Variants in ITGAL observed in about 807,000 individuals in gnomAD.
ITGAL encodes integrin subunit alpha L.
Under a neutral mutation model 138.4 loss-of-function variants are expected in ITGAL, and 68 were observed. The observed-to-expected ratio is 0.49, with a 90% CI of 0.40 to 0.60. The LOEUF (loss-of-function observed/expected upper bound fraction) is 0.60. Ranked by LOEUF, ITGAL falls within the 20% of genes least tolerant of loss-of-function variation. The pLI, the probability that ITGAL is intolerant of heterozygous loss-of-function variation, is 0.00. For missense variants in ITGAL, 1,256 were observed against 1,478.6 expected, an observed-to-expected ratio of 0.85 and a Z score of 2.47; for synonymous variants, 561 against 584.3, an observed-to-expected ratio of 0.96 and a Z score of 0.57.
chr16:30,494,158 G>A lies in ITGAL; in HGVS notation c.1214-54G>A. On this transcript the variant is annotated intron_variant, in intron 11 of 30. Transcript: ENST00000356798. This position sits in a 1 kb window ranked among gnomAD's most constrained non-coding sequence, Gnocchi z 4.2. ...GGGGCCCCTGCCCCTCTCCTGCTGG[G>A]TGTTCTTCCAGCATCCTGTGTTCCT... 6.7e-7 allele frequency: 1 copy of A among 1,485,834 alleles called. No homozygotes were observed. Among genetic ancestry groups the A allele is most frequent in the Non-Finnish European group, 9.1e-7 (1 of 1,093,708 alleles). 92.0% of individuals were successfully genotyped at this position (1,485,834 alleles called of 1,614,324 possible). A position where few individuals can be genotyped will look rare whatever the true frequency, so the allele number is the denominator to read the frequency against.
At position 30,494,590 on chromosome 16, in the gene ITGAL, G is replaced by A. The variant is rs1444038736; in HGVS notation, c.1366-123G>A. 10 of 1,272,916 alleles carry A rather than the reference G, an allele frequency of 7.9e-6. No homozygotes were observed. Among genetic ancestry groups the A allele is most frequent in the Non-Finnish European group, 9.6e-6 (9 of 937,308 alleles). 78.9% of individuals were successfully genotyped at this position (1,272,916 alleles called of 1,614,324 possible). On this transcript the variant is annotated intron_variant, in intron 12 of 30. Coordinates refer to ENST00000356798, the MANE Select transcript of ITGAL (RefSeq NM_002209.3). The surrounding 1 kb of genome is among the most constrained non-coding windows in gnomAD (Gnocchi z 4.2). Reference sequence around the variant, plus strand: ...TTGTCTTAACGCACATAGACTAGGGGTGGATCCAAGATTGGAACCTGCATT... The same window carrying A: ...TTGTCTTAACGCACATAGACTAGGGATGGATCCAAGATTGGAACCTGCATT...
intron 6 of ITGAL, chr16:30,481,182 A>ACACACACACACC: frequency 2.8e-6 from 1 of 353,736 alleles, no homozygotes; most frequent in African/African-American, 2.7e-5. Context: ...ACACACACAC[A>ACACACACACACC]CCACACACAC....
intron 9 of ITGAL, among the ~76,000 whole-genome samples, chr16:30,486,837 C>G (rs890527964): frequency 7.2e-5 from 11 of 152,084 alleles, no homozygotes; most frequent in Non-Finnish European, 1.5e-4. Context: ...ACTCTGTTGC[C>G]CAGACTGGAG....
chr16:30,473,776 AT>A (rs2151139459), intron 1 of ITGAL, among the ~76,000 whole-genome samples: 1 of 152,098 alleles, frequency 6.6e-6, no homozygotes, highest in African/African-American at 2.4e-5. Flanking sequence ...GGGAGCTACA[AT>A]CTGAGACTGT....
In ITGAL at chr16:30,521,468, C is replaced by T. The variant is rs770516528; in HGVS notation, c.3340-24C>T. 6.4e-5 allele frequency: 103 copies of T among 1,598,458 alleles called. No homozygotes were observed. The Middle Eastern group carries it at 2.0e-3, about 31-fold the overall frequency. ...CAAAGTGCTCAGTGAATTCTTTGCT[C>T]GTTCAAATTTTGTCTTTGTACAGGT... is the stretch of plus-strand genomic sequence containing the variant. On this transcript the variant is annotated intron_variant, in intron 30 of 30. Transcript: ENST00000356798.
At chr16:30,517,111 G>A (rs373211449) in intron 26 of ITGAL, 25 bp downstream of exon 26, 10 of 1,472,126 alleles carry the variant, frequency 6.8e-6, no homozygotes, top group Non-Finnish European at 9.4e-6. Context: ...TAGAGGGAGG[G>A]TCTACCCTCC....
At chr16:30,493,245 C>CATTTTATTTT (rs58908720) in intron 11 of ITGAL, among the ~76,000 whole-genome samples, 12,854 of 139,714 alleles carry the variant, frequency 0.092, 812 homozygotes, top group African/African-American at 0.17. Flanking sequence ...TAATATATAC[C>CATTTTATTTT]ATTTTATTTT....
At chr16:30,501,460 C>A (rs969059667) in intron 17 of ITGAL, among the ~76,000 whole-genome samples, 3 of 151,406 alleles carry the variant, frequency 2.0e-5, no homozygotes, top group Non-Finnish European at 4.4e-5. Context: ...GCCTGTAATT[C>A]CAGCTACTTG....
Position 30,499,369 on chromosome 16 carries a change from G to A in ITGAL, c.2025G>A (p.Leu675=), listed in dbSNP as rs1472923065. 8 of 1,614,078 alleles carry A rather than the reference G, an allele frequency of 5.0e-6. No homozygotes were observed. The highest frequency in any genetic ancestry group is 5.1e-6 in the Non-Finnish European group (6 of 1,180,028). The stretch of plus-strand genomic sequence containing the variant: ...TGGTTGCCAATCTCACTTACACTCT[G>A]CAGCTGGATGGCCACCGGACCAGAA... ...GRLVANLTYT[L]QLDGHRTRRR... The change falls in exon 17 of 31, where the codon CTG becomes CTA. Residue 675 remains leucine (L), a synonymous_variant. Coordinates refer to ENST00000356798, the MANE Select transcript of ITGAL (RefSeq NM_002209.3).
Position 30,479,205 on chromosome 16 carries a change from C to T in ITGAL, c.442C>T (p.Gln148Ter). 1.2e-6 allele frequency: 2 copies of T among 1,613,996 alleles called. No homozygotes were observed. Among genetic ancestry groups the T allele is most frequent in the Non-Finnish European group, 1.7e-6 (2 of 1,179,962 alleles). ...CATGCTGCAGGGGCGCCCTGGTTTT[C>T]AGGGTAAGGAACTGGGGACTCATTG... The part of the protein sequence containing the change: ...GPMLQGRPGF[Q>*]ECIKGNVDLV... The change falls in exon 5 of 31, where the codon CAG becomes TAG. Residue 148 changes from glutamine to a stop codon, truncating the protein, a stop_gained. Transcript: ENST00000356798. LOFTEE classifies it high-confidence loss of function.
rs1283535083 is a variant in ITGAL at position 30,479,099 on chromosome 16, C to T, written c.336C>T (p.Asp112=). 1 of 1,613,732 alleles carries T rather than the reference C, an allele frequency of 6.2e-7. No homozygotes were observed. Among genetic ancestry groups the T allele is most frequent in the South Asian group, 1.1e-5 (1 of 91,062 alleles). Residue 112 remains aspartate, a synonymous_variant, in exon 5 of 31, where the codon GAC becomes GAT. Transcript: ENST00000356798. ...GCCTTTGCTTTCTTTAGGCCTGTGA[C>T]CCTGGGCTGTCTCGAACGTGTGACC... ...DPTDGSILAC[D]PGLSRTCDQN...
At chr16:30,474,171 A>G (rs757896324) in intron 1 of ITGAL, 25 bp from the exon 2 acceptor site, 11 of 1,547,112 alleles carry the variant, frequency 7.1e-6, no homozygotes, top group Admixed American at 1.9e-5. Context: ...CCTCGGTCGC[A>G]GCTGACGACC....
Position 30,507,480 on chromosome 16 carries a change from C to CA in ITGAL, c.2508+634dup, listed in dbSNP as rs112556507. ...CTCAAAAAAAAAACAAAAAAAAAAA[C>CA]AAAAAAAAAACCCACAAAAATTATC... On this transcript the variant is annotated intron_variant, in intron 21 of 30. Coordinates refer to ENST00000356798, the MANE Select transcript of ITGAL (RefSeq NM_002209.3). Among the ~76,000 whole-genome samples, 894 of 134,082 alleles carry CA rather than the reference C, an allele frequency of 6.7e-3. 4 individuals carry two copies. Among genetic ancestry groups the CA allele is most frequent in the African/African-American group, 0.011 (405 of 36,396 alleles). 88.0% of individuals were successfully genotyped at this position (134,082 alleles called of 152,430 possible). A position where few individuals can be genotyped will look rare whatever the true frequency, so the allele number is the denominator to read the frequency against.
Position 30,511,119 on chromosome 16 carries a change from C to T in ITGAL, c.2769C>T (p.Ile923=). 1 of 1,613,328 alleles carries T rather than the reference C, an allele frequency of 6.2e-7. No homozygotes were observed. Residue 923 remains isoleucine (I), a synonymous_variant, in exon 24 of 31, where the codon ATC becomes ATT. Coordinates refer to ENST00000356798, the MANE Select transcript of ITGAL (RefSeq NM_002209.3). ...CCATCATCCCCATCCTGTACCCCAT[C>T]AACATCCTCATCCAGGAGTAAGTTC... ...ATTIIPILYP[I]NILIQDQEDS... is the part of the protein sequence containing the mutation.
chr16:30,513,915 C>T, intron 25 of ITGAL, 69 bp downstream of exon 25: 1 of 1,187,760 alleles, frequency 8.4e-7, no homozygotes, highest in Non-Finnish European at 1.3e-6. Flanking sequence ...ACTGAGGATG[C>T]AGGCACCAAG....
Position 30,494,249 on chromosome 16 carries a change from T to C in ITGAL, c.1251T>C (p.Thr417=), listed in dbSNP as rs142661614. Residue 417 remains threonine, a synonymous_variant, in exon 12 of 31, where the codon ACT becomes ACC. Transcript: ENST00000356798. The surrounding 1 kb of genome is among the most constrained non-coding windows in gnomAD (Gnocchi z 4.2). The stretch of plus-strand genomic sequence containing the variant: ...CCTGGCTGCCCTCCCGGCAAAAGAC[T>C]TCGTTGCTGGCCTCGGGAGCCCCTC... ...TVTWLPSRQK[T]SLLASGAPRY... is the part of the protein sequence containing the mutation. The C allele has an allele frequency of 6.2e-7, 1 of 1,612,576 alleles. No homozygotes were observed. The highest frequency in any genetic ancestry group is 1.3e-5 in the African/African-American group (1 of 75,042).
intron 11 of ITGAL, among the ~76,000 whole-genome samples, chr16:30,490,796 C>T (rs1391520463): frequency 6.6e-6 from 1 of 151,922 alleles, no homozygotes; most frequent in Non-Finnish European, 1.5e-5. Context: ...GGTGAAACCC[C>T]GTCTCTACTA....
intron 17 of ITGAL, among the ~76,000 whole-genome samples, chr16:30,503,559 G>A (rs963461482): frequency 2.9e-5 from 4 of 137,568 alleles, no homozygotes; most frequent in Admixed American, 7.2e-5. Flanking sequence ...GGGAGGGAGG[G>A]AGGCAGGCAA....
intron 7 of ITGAL, 75 bp downstream of exon 7, chr16:30,481,659 C>G (rs2050562158): frequency 5.7e-6 from 8 of 1,400,360 alleles, no homozygotes. Context: ...AGCTGCAGGG[C>G]ATGGGAACTC....
Sources: allele counts gnomAD v4.1 joint callset (sites outside exome capture counted in the v4.1 genomes callset), GRCh38; gene constraint gnomAD v4.1.1; non-coding constraint Gnocchi (gnomAD v3.1); transcripts MANE v1.5; gene names NCBI Gene and HGNC (gene_info 2026-07-23, HGNC 2026-07-21).